The following MYOM1 variants were observed in gnomAD, a reference collection of about 807,000 sequenced individuals.
The protein encoded by MYOM1 is myomesin-1.
Under a neutral mutation model 205.3 loss-of-function variants are expected in MYOM1, and 164 were observed. That is an observed-to-expected ratio of 0.80 (90% CI 0.70 to 0.91). MYOM1 has a LOEUF of 0.91. Among genes scored for constraint, MYOM1 ranks in the 40% least tolerant of loss-of-function variants. The pLI, the probability that MYOM1 is intolerant of heterozygous loss-of-function variation, is 0.00. For synonymous variants in MYOM1, 772 were observed against 789.4 expected (o/e 0.98, Z 0.37); for missense variants, 2,011 against 2,127.3 (o/e 0.95, Z 1.08).
rs2080955718 is a variant in MYOM1, at chr18:3,193,899, T to C, written c.350A>G (p.Lys117Arg). ...DYSSKLSPKP[K>R]RAKHSLLSGE... ...AGACAGTAGGCTGTGCTTGGCTCTC[T>C]TTGGTTTGGGGCTCAACTTGGATGA... The change falls in exon 3 of 38, where the codon AAG becomes AGG. Residue 117 changes from lysine to arginine, a missense_variant. Lys to Arg is a conservative substitution (Grantham distance 26). Coordinates refer to ENST00000356443, the MANE Select transcript of MYOM1 (RefSeq NM_003803.4). 1 of 1,613,960 alleles carries C rather than the reference T, an allele frequency of 6.2e-7. No homozygotes were observed. Among genetic ancestry groups the C allele is most frequent in the East Asian group, 2.2e-5 (1 of 44,870 alleles).
intron 16 of MYOM1, among the ~76,000 whole-genome samples, chr18:3,133,140 G>T (rs531077800): frequency 6.6e-6 from 1 of 152,164 alleles, no homozygotes; most frequent in Admixed American, 6.5e-5. Context: ...TTTCTGAATA[G>T]TCCCAGGAAA....
chr18:3,102,718 C>T (rs887222796), intron 22 of MYOM1, 88 bp from the exon 23 acceptor site: 1 of 1,370,300 alleles, frequency 7.3e-7, no homozygotes, highest in Non-Finnish European at 1.0e-6. Flanking sequence ...TACTTTAACC[C>T]TAAAGTAGGG....
chr18:3,222,969 C>T (rs1445013577), upstream of MYOM1, among the ~76,000 whole-genome samples: 2 of 152,108 alleles, frequency 1.3e-5, no homozygotes, highest in African/African-American at 4.8e-5. Flanking sequence ...GCAACCTCGA[C>T]CTCCTCAGCC....
upstream of MYOM1, among the ~76,000 whole-genome samples, chr18:3,221,430 T>C (rs1174873151): frequency 2.0e-5 from 3 of 152,224 alleles, no homozygotes; most frequent in East Asian, 1.9e-4. Context: ...GACACTGGGA[T>C]AGGCAGTTTA....
Position 3,135,211 on chromosome 18 carries a change from A to C in MYOM1, c.2209+336T>G. 3.5e-6 allele frequency: 1 copy of C among 283,612 alleles called. No individual in the cohort carries two copies. The highest frequency in any genetic ancestry group is 6.7e-6 in the Non-Finnish European group (1 of 149,262). The allele number at this position is 283,612 out of a possible 1,614,324, so 17.6% of individuals were successfully genotyped here. A position where few individuals can be genotyped will look rare whatever the true frequency, so the allele number is the denominator to read the frequency against. ...GTGATCTGCCTGCCTCGGCCTCCCAAAGTGCTCAGATTACAGACATGAGCC... is the reference window on the plus strand; with the variant it reads ...GTGATCTGCCTGCCTCGGCCTCCCACAGTGCTCAGATTACAGACATGAGCC... On this transcript the variant is annotated intron_variant, in intron 15 of 37. Coordinates refer to ENST00000356443, the MANE Select transcript of MYOM1 (RefSeq NM_003803.4). The surrounding 1 kb of genome is among the most constrained non-coding windows in gnomAD (Gnocchi z 4.1).
At chr18:3,154,153 T>C (rs2080258893) in intron 11 of MYOM1, among the ~76,000 whole-genome samples, 1 of 152,130 alleles carries the variant, frequency 6.6e-6, no homozygotes, top group South Asian at 2.1e-4. Context: ...ATTAGGAATA[T>C]GGACATTATG....
intron 10 of MYOM1, among the ~76,000 whole-genome samples, chr18:3,157,347 C>CTCAT (rs756128857): frequency 6.6e-6 from 1 of 152,032 alleles, no homozygotes; most frequent in South Asian, 2.1e-4. Context: ...CATTCATTCT[C>CTCAT]TCATTCATTC....
At chr18:3,156,606 TTC>T (rs1476624329) in intron 10 of MYOM1, among the ~76,000 whole-genome samples, 1 of 150,936 alleles carries the variant, frequency 6.6e-6, no homozygotes, top group Non-Finnish European at 1.5e-5. Flanking sequence ...AGACACTTCT[TTC>T]TTTTTTTTTT....
Position 3,126,689 on chromosome 18 carries a change from T to G in MYOM1, c.2991+12A>C, listed in dbSNP as rs758748469. The stretch of plus-strand genomic sequence containing the variant: ...ATAGGACACGCCACACTACAGAAAG[T>G]CACGTGCTTACCTTGTATGCCTCCT... On this transcript the variant is annotated intron_variant, in intron 19 of 37. Transcript: ENST00000356443. 7 of 1,606,452 alleles carry G rather than the reference T, an allele frequency of 4.4e-6. No homozygotes were observed. The highest frequency in any genetic ancestry group is 6.0e-6 in the Non-Finnish European group (7 of 1,175,656).
intron 25 of MYOM1, 80 bp downstream of exon 25, chr18:3,100,079 A>C: frequency 1.0e-5 from 14 of 1,377,846 alleles, no homozygotes; most frequent in African/African-American, 1.4e-5. Flanking sequence ...TAATCCCATC[A>C]GAGCTGTCAT....
chr18:3,071,866 G>A lies in MYOM1; in HGVS notation c.4732C>T (p.Leu1578Phe). 6.2e-7 allele frequency: 1 copy of A among 1,605,708 alleles called. No homozygotes were observed. Among genetic ancestry groups the A allele is most frequent in the South Asian group, 1.1e-5 (1 of 88,972 alleles). The change falls in exon 37 of 38, where the codon CTC (leucine) becomes TTC (phenylalanine). Residue 1578 changes from leucine to phenylalanine, a missense_variant. Leu to Phe is a conservative substitution (Grantham distance 22). Coordinates refer to ENST00000356443, the MANE Select transcript of MYOM1 (RefSeq NM_003803.4). Reference protein sequence around the residue: ...EKNRARVLGGLPDVVTIQEGK... With the variant: ...EKNRARVLGGFPDVVTIQEGK... ...TCCTGGATGGTGACCACGTCTGGGA[G>A]ACCTCCCAACACCCGGGCACGATCT...
At chr18:3,186,855 A>AAAGG (rs879645235) in intron 5 of MYOM1, among the ~76,000 whole-genome samples, 1 of 150,616 alleles carries the variant, frequency 6.6e-6, no homozygotes, top group African/African-American at 2.5e-5. Flanking sequence ...AAAGAAAGGG[A>AAAGG]AAGGAAGGAA....
chr18:3,172,626 C>T (rs1377123678), intron 8 of MYOM1, among the ~76,000 whole-genome samples: 2 of 152,134 alleles, frequency 1.3e-5, no homozygotes, highest in Non-Finnish European at 2.9e-5. Context: ...TCTCCTGCCT[C>T]AGCCTCCTGA....
chr18:3,165,556 A>G (rs2080455729), intron 9 of MYOM1, among the ~76,000 whole-genome samples: 1 of 152,074 alleles, frequency 6.6e-6, no homozygotes, highest in South Asian at 2.1e-4. Flanking sequence ...AGAGATTCAA[A>G]CCTCCTTGAA....
chr18:3,202,260 G>A, intron 2 of MYOM1, among the ~76,000 whole-genome samples: 1 of 151,992 alleles, frequency 6.6e-6, no homozygotes, highest in East Asian at 1.9e-4. Context: ...ACAAAATAAG[G>A]CAATAAAGGA....
At chr18:3,204,453 A>G (rs1321919336) in intron 2 of MYOM1, among the ~76,000 whole-genome samples, 1 of 152,004 alleles carries the variant, frequency 6.6e-6, no homozygotes, top group Non-Finnish European at 1.5e-5. Flanking sequence ...CCAAAAATTA[A>G]ATTAAGACAA....
intron 22 of MYOM1, among the ~76,000 whole-genome samples, chr18:3,107,640 G>C (rs1284394563): frequency 6.6e-6 from 1 of 152,134 alleles, no homozygotes; most frequent in African/African-American, 2.4e-5. Flanking sequence ...ATTGGAAACT[G>C]TCTTGTTAAA....
intron 34 of MYOM1, among the ~76,000 whole-genome samples, chr18:3,076,754 A>AC (rs1441471749): frequency 1.3e-5 from 2 of 148,560 alleles, no homozygotes; most frequent in Non-Finnish European, 3.0e-5. Flanking sequence ...GAGTTCTGTC[A>AC]CCAGGCTGGA....
intron 10 of MYOM1, among the ~76,000 whole-genome samples, chr18:3,158,733 C>A (rs1336108901): frequency 6.6e-6 from 1 of 152,096 alleles, no homozygotes; most frequent in Non-Finnish European, 1.5e-5. Flanking sequence ...CCCTCTTCAG[C>A]CTCCCAAGTA....
Sources: gnomAD v4.1 joint callset for allele counts (sites outside exome capture counted in the v4.1 genomes callset) on GRCh38, gnomAD v4.1.1 for gene constraint, Gnocchi (gnomAD v3.1) non-coding constraint, MANE v1.5 for transcripts, NCBI Gene and HGNC (gene_info 2026-07-23, HGNC 2026-07-21) for gene names.